The following ZNF536 variants were observed in gnomAD, a reference collection of about 807,000 sequenced individuals.
ZNF536 encodes the protein zinc finger protein 536.
Under a neutral mutation model 84.5 loss-of-function variants are expected in ZNF536, and 13 were observed. The observed-to-expected ratio is 0.15, with a 90% CI of 0.10 to 0.24. ZNF536 has a LOEUF of 0.24. Ranked by LOEUF, ZNF536 falls within the 10% of genes least tolerant of loss-of-function variation. The pLI, the probability that ZNF536 is intolerant of heterozygous loss-of-function variation, is 1.00. For synonymous variants in ZNF536, 811 were observed against 742.5 expected (o/e 1.09, Z -1.50); for missense variants, 1,536 against 1,747.5 (o/e 0.88, Z 2.16).
intron 1 of ZNF536, among the ~76,000 whole-genome samples, chr19:30,431,076 C>A (rs1250479528): frequency 6.6e-6 from 1 of 152,222 alleles, no homozygotes; most frequent in Non-Finnish European, 1.5e-5. Context: ...TTCCTGATCA[C>A]GGTTCGAAAT....
chr19:30,491,792 G>A (rs1044590632), intron 2 of ZNF536, among the ~76,000 whole-genome samples: 1 of 151,882 alleles, frequency 6.6e-6, no homozygotes, highest in African/African-American at 2.4e-5. Flanking sequence ...CTCCTCTGTG[G>A]GTCCCTTGGG....
intron 1 of ZNF536, among the ~76,000 whole-genome samples, chr19:30,694,557 C>G (rs997165889): frequency 3.9e-5 from 6 of 152,228 alleles, no homozygotes; most frequent in Admixed American, 6.5e-5. Flanking sequence ...TGGGACCCAG[C>G]TCCCCAGCGG....
chr19:30,639,601 T>A (rs970635406), intron 1 of ZNF536, among the ~76,000 whole-genome samples: 1 of 152,222 alleles, frequency 6.6e-6, no homozygotes, highest in African/African-American at 2.4e-5. Flanking sequence ...AAGATCACCA[T>A]AAGTCAATCA....
intron 1 of ZNF536, among the ~76,000 whole-genome samples, chr19:30,281,550 A>G (rs1308305232): frequency 6.6e-6 from 1 of 151,852 alleles, no homozygotes; most frequent in African/African-American, 2.4e-5. Flanking sequence ...CCCCTGACCT[A>G]CCCCAGAGGC....
chr19:30,691,958 G>T lies in ZNF536; in HGVS notation c.170-18799G>T, dbSNP rs531886449. Among the ~76,000 whole-genome samples the T allele has an allele frequency of 3.5e-3, 527 of 152,308 alleles. 2 individuals carry two copies. Among genetic ancestry groups the T allele is most frequent in the Non-Finnish European group, 4.0e-3 (273 of 68,020 alleles). On this transcript the variant is annotated intron_variant, in intron 1 of 1. Coordinates refer to the ZNF536 transcript ENST00000592773. ...ACCCCTGCCTGCAGCCTCTGCCCGG[G>T]CCTCCACCTCCCCTCCAGAGACCGG...
At position 30,659,709 on chromosome 19, in the gene ZNF536, G is replaced by A. The variant is rs372175760; in HGVS notation, c.170-51048G>A. Among the ~76,000 whole-genome samples the A allele has an allele frequency of 1.8e-4, 28 of 152,200 alleles. 1 individual carries two copies. In the East Asian group the frequency reaches 2.1e-3, roughly 12 times the overall value. ...TCACTCACTATAAAGAGAACAGTAT[G>A]GGGGAAACAGCCCCCATGATACAAT... is the stretch of plus-strand genomic sequence containing the variant. On this transcript the variant is annotated intron_variant, in intron 1 of 1. Transcript: ENST00000592773.
rs77277313 is a variant in ZNF536, at chr19:30,519,672, A to G, written c.2171-15175A>G. ...AAGGGCAGGTCAGAGGTGGCTAGTT[A>G]TGTACTTAAAAGGAAAAGGCAGACT... On this transcript the variant is annotated intron_variant, in intron 2 of 4. Transcript: ENST00000355537. Among the ~76,000 whole-genome samples the G allele has an allele frequency of 7.2e-5, 11 of 152,308 alleles. No homozygotes were observed. In the East Asian group the frequency reaches 2.1e-3, roughly 29 times the overall value.
chr19:30,367,704 A>C (rs1176428252), upstream of ZNF536, among the ~76,000 whole-genome samples: 1 of 152,200 alleles, frequency 6.6e-6, no homozygotes, highest in Non-Finnish European at 1.5e-5. Context: ...GTCGCGTGAC[A>C]GCAGCGCAGT....
intron 2 of ZNF536, among the ~76,000 whole-genome samples, chr19:30,330,778 A>G (rs1284063770): frequency 1.3e-5 from 2 of 152,112 alleles, no homozygotes; most frequent in African/African-American, 4.8e-5. Context: ...AGTGGAGTCC[A>G]TTTTTCGGTC....
rs148979130 is a variant in ZNF536 at position 30,511,803 on chromosome 19, G to A, written c.2171-23044G>A. 3.2e-3 allele frequency among the ~76,000 whole-genome samples: 489 copies of A among 152,298 alleles called. 2 individuals carry two copies. Among genetic ancestry groups the A allele is most frequent in the African/African-American group, 0.011 (455 of 41,572 alleles). ...GGGTGGGGTAAAATGCAAGGAGACC[G>A]TATGCACGTTAATGACAAGTTAACT... On this transcript the variant is annotated intron_variant, in intron 2 of 4. Transcript: ENST00000355537.
intron 1 of ZNF536, among the ~76,000 whole-genome samples, chr19:30,239,882 C>T (rs1414172079): frequency 2.0e-5 from 3 of 152,172 alleles, no homozygotes; most frequent in African/African-American, 4.8e-5. Flanking sequence ...GCGCACACCA[C>T]GATGCCATGT....
intron 1 of ZNF536, among the ~76,000 whole-genome samples, chr19:30,651,155 G>C (rs2049686915): frequency 6.6e-6 from 1 of 152,214 alleles, no homozygotes; most frequent in Non-Finnish European, 1.5e-5. Flanking sequence ...GAGCCTCAGA[G>C]GGGTTAGGTG....
intron 2 of ZNF536, among the ~76,000 whole-genome samples, chr19:30,317,431 T>A (rs1210673659): frequency 6.6e-6 from 1 of 152,190 alleles, no homozygotes; most frequent in Non-Finnish European, 1.5e-5. Context: ...TCTCTTTAGG[T>A]CTTGCACCTA....
At chr19:30,244,265 C>T (rs2024124715) in intron 1 of ZNF536, among the ~76,000 whole-genome samples, 1 of 152,066 alleles carries the variant, frequency 6.6e-6, no homozygotes, top group African/African-American at 2.4e-5. Context: ...CCTCATTACC[C>T]CGAGTTCTTC....
intron 1 of ZNF536, among the ~76,000 whole-genome samples, chr19:30,397,580 A>G (rs990147395): frequency 6.6e-6 from 1 of 152,192 alleles, no homozygotes; most frequent in African/African-American, 2.4e-5. Context: ...GCTTAAAAAA[A>G]CTCAGCTTTT....
chr19:30,642,027 C>G (rs546052027), intron 1 of ZNF536, among the ~76,000 whole-genome samples: 83 of 152,236 alleles, frequency 5.5e-4, no homozygotes, highest in Non-Finnish European at 1.1e-3. Flanking sequence ...GCAAAGTTTG[C>G]GGGACCACCT....
At chr19:30,446,798 T>TAA (rs113621992) in intron 2 of ZNF536, among the ~76,000 whole-genome samples, 1 of 137,502 alleles carries the variant, frequency 7.3e-6, no homozygotes, top group African/African-American at 2.7e-5. Flanking sequence ...TGGCCCAGTT[T>TAA]AAAAAAAAAA....
chr19:30,236,810 C>G (rs2023556156), intron 1 of ZNF536, among the ~76,000 whole-genome samples: 2 of 152,110 alleles, frequency 1.3e-5, no homozygotes, highest in Admixed American at 1.3e-4. Flanking sequence ...ATGGCTTGTC[C>G]TTTGGAGGGG....
At chr19:30,662,962 CTTTTT>C (rs951081577) in intron 1 of ZNF536, among the ~76,000 whole-genome samples, 41 of 78,756 alleles carry the variant, frequency 5.2e-4, no homozygotes, top group Non-Finnish European at 7.8e-4. Flanking sequence ...TTTTTCGTTT[CTTTTT>C]TTTTTTTTTT....
Sources: gnomAD v4.1 joint callset for allele counts (sites outside exome capture counted in the v4.1 genomes callset) on GRCh38, gnomAD v4.1.1 for gene constraint, MANE v1.5 for transcripts, NCBI Gene and HGNC (gene_info 2026-07-23, HGNC 2026-07-21) for gene names.